The following MCF2 variants were observed in gnomAD, a reference collection of about 807,000 sequenced individuals.
MCF2 encodes the protein MCF.2 cell line derived transforming sequence, also known as proto-oncogene DBL.
A neutral mutation model predicts 82.5 loss-of-function variants in MCF2; 44 were observed. The observed-to-expected ratio is 0.53, with a 90% CI of 0.42 to 0.69. The LOEUF is 0.69. MCF2 is among the 30% of genes least tolerant of loss of function. The pLI is 0.00. For missense variants in MCF2, 623 were observed against 663.1 expected, an observed-to-expected ratio of 0.94 and a Z score of 0.66; for synonymous variants, 217 against 224.9, an observed-to-expected ratio of 0.96 and a Z score of 0.32.
Position 139,586,403 on chromosome X carries a change from C to T in MCF2, c.2607G>A (p.Ala869=), listed in dbSNP as rs142128026. Residue 869 remains alanine, a synonymous_variant, in exon 23 of 25, where the codon GCG becomes GCA. Coordinates refer to ENST00000370576, the Ensembl canonical transcript of MCF2. ...CTGTATTTGCTTCTGCCTGAACTGA[C>T]GCAATTGCCTCACAGACCTCCACCA... 81 of 1,206,424 alleles carry T rather than the reference C, an allele frequency of 6.7e-5. 1 individual carries two copies. The highest frequency in any genetic ancestry group is 6.5e-4 in the South Asian group (37 of 56,596).
At chrX:139,622,574 T>C (rs1216826798) in intron 6 of MCF2, among the ~76,000 whole-genome samples, 2 of 111,221 alleles carry the variant, frequency 1.8e-5, no homozygotes, top group Non-Finnish European at 3.8e-5. Flanking sequence ...GTTCATGTCC[T>C]TTGTAGGGAC....
At chrX:139,593,198 G>C (rs1178978673) in intron 19 of MCF2, among the ~76,000 whole-genome samples, 2 of 111,904 alleles carry the variant, frequency 1.8e-5, no homozygotes, top group Admixed American at 9.5e-5. Context: ...AGTATTCTCT[G>C]ATGGTAGTTT....
intron 24 of MCF2, among the ~76,000 whole-genome samples, chrX:139,583,739 C>T (rs1928674857): frequency 5.4e-5 from 6 of 111,714 alleles, no homozygotes. Context: ...ACACATGTAC[C>T]TCCTGAATCT....
At chrX:139,588,132 A>C (rs1043851966) in intron 21 of MCF2, among the ~76,000 whole-genome samples, 3 of 111,734 alleles carry the variant, frequency 2.7e-5, no homozygotes, top group African/African-American at 9.7e-5. Flanking sequence ...GTTGCTTCTC[A>C]ACTGCTTCTT....
chrX:139,651,757 G>C lies in MCF2; in HGVS notation c.-13C>G. 1 of 1,161,966 alleles carries C rather than the reference G, an allele frequency of 8.6e-7. No homozygotes were observed. Among genetic ancestry groups the C allele is most frequent in the Non-Finnish European group, 1.2e-6 (1 of 867,511 alleles). ...CGATGTCTTGCATTAAGAAATGACT[G>C]ATGTCCTTTATACGGAGGAGCAGAT... On this transcript the variant is annotated 5_prime_UTR_variant, in exon 2 of 28. In the 5' UTR this introduces an upstream ATG that the reference lacks. Coordinates refer to the MCF2 transcript ENST00000414978.
chrX:139,628,704 A>C (rs1932824652), intron 4 of MCF2, among the ~76,000 whole-genome samples: 1 of 112,137 alleles, frequency 8.9e-6, no homozygotes, highest in Non-Finnish European at 1.9e-5. Context: ...TAATGCACAC[A>C]GTATGTCTAT....
Position 139,651,713 on chromosome X carries a change from T to C in MCF2, c.25+7A>G. On this transcript the variant is annotated splice_region_variant and intron_variant, in intron 2 of 27. Transcript: ENST00000414978. ...TATCTGGACTATATATAAGAAAGTT[T>C]GCTTACCAGACAAGAAGGCGATGTC... is the stretch of plus-strand genomic sequence containing the variant. 1 of 1,130,997 alleles carries C rather than the reference T, an allele frequency of 8.8e-7. No homozygotes were observed. The highest frequency in any genetic ancestry group is 3.2e-5 in the East Asian group (1 of 30,987). 93.2% of individuals were successfully genotyped at this position (1,130,997 alleles called of 1,213,427 possible). A position where few individuals can be genotyped will look rare whatever the true frequency, so the allele number is the denominator to read the frequency against.
chrX:139,635,295 C>T (rs1230268482), intron 1 of MCF2, among the ~76,000 whole-genome samples: 2 of 110,445 alleles, frequency 1.8e-5, no homozygotes, highest in Non-Finnish European at 3.8e-5. Flanking sequence ...CAGAGAGTTC[C>T]AACGGTAATG....
intron 1 of MCF2, among the ~76,000 whole-genome samples, chrX:139,704,091 AC>A (rs1288799426): frequency 3.6e-5 from 4 of 109,845 alleles, no homozygotes; most frequent in African/African-American, 9.9e-5. Context: ...TCAAAAAAAA[AC>A]ATACGTCAAA....
At chrX:139,642,421 C>T (rs1163074181) in intron 1 of MCF2, 1 of 1,208,381 alleles carries the variant, frequency 8.3e-7, no homozygotes, top group Non-Finnish European at 1.1e-6. Flanking sequence ...CATCCCAGCA[C>T]TTGAACTTGG....
intron 1 of MCF2, among the ~76,000 whole-genome samples, chrX:139,678,315 G>A (rs1934920785): frequency 9.0e-6 from 1 of 111,715 alleles, no homozygotes; most frequent in Non-Finnish European, 1.9e-5. Flanking sequence ...CCACCTTCAC[G>A]CTAATGGTCA....
Position 139,619,710 on chromosome X carries a change from A to G in MCF2, c.688-4T>C. 8.8e-7 allele frequency: 1 copy of G among 1,133,593 alleles called. No individual in the cohort carries two copies. The highest frequency in any genetic ancestry group is 1.2e-6 in the Non-Finnish European group (1 of 855,006). 93.4% of individuals were successfully genotyped at this position (1,133,593 alleles called of 1,213,427 possible). A position where few individuals can be genotyped will look rare whatever the true frequency, so the allele number is the denominator to read the frequency against. ...GAAATTCAACTTCAGTCACAAGCTAAAAATACGAAACAAAGAGGTTTTAAA... is the reference window on the plus strand; with the variant it reads ...GAAATTCAACTTCAGTCACAAGCTAGAAATACGAAACAAAGAGGTTTTAAA... On this transcript the variant is annotated splice_polypyrimidine_tract_variant and splice_region_variant and intron_variant, in intron 6 of 24. Transcript: ENST00000370576.
intron 18 of MCF2, among the ~76,000 whole-genome samples, chrX:139,597,256 T>C (rs753498436): frequency 1.8e-5 from 2 of 111,403 alleles, no homozygotes; most frequent in South Asian, 3.8e-4. Flanking sequence ...GGGAAGACTG[T>C]TGGGGACAAG....
chrX:139,594,546 C>T (rs1359706823), intron 19 of MCF2, among the ~76,000 whole-genome samples: 3 of 110,746 alleles, frequency 2.7e-5, no homozygotes, highest in Non-Finnish European at 3.8e-5. Context: ...AAACTGGATC[C>T]CTTCCTTACA....
At chrX:139,586,468 T>A (rs1470158373) in exon 23 of MCF2, 1 of 1,199,435 alleles carries the variant, frequency 8.3e-7, no homozygotes, top group Non-Finnish European at 1.1e-6. Context: ...TCAGTACTTA[T>A]AAAAGCTCCC....
At chrX:139,660,293 G>T (rs1014340941) in intron 1 of MCF2, among the ~76,000 whole-genome samples, 2 of 111,736 alleles carry the variant, frequency 1.8e-5, no homozygotes, top group East Asian at 5.6e-4. Context: ...TTTCTTCCAG[G>T]ATGGGTTTCA....
intron 19 of MCF2, among the ~76,000 whole-genome samples, chrX:139,593,047 T>C (rs1231463842): frequency 8.9e-6 from 1 of 112,014 alleles, no homozygotes; most frequent in Non-Finnish European, 1.9e-5. Flanking sequence ...AACATGATAG[T>C]GGTTGGGGAA....
intron 1 of MCF2, among the ~76,000 whole-genome samples, chrX:139,703,450 G>C (rs1425497940): frequency 8.9e-6 from 1 of 111,870 alleles, no homozygotes; most frequent in Non-Finnish European, 1.9e-5. Context: ...AAATAGGAAA[G>C]GATAGGCTGG....
rs142941580 is a variant in MCF2, at chrX:139,668,740, C to T, written c.-44-16952G>A. ...CTAAGTGGAGGGGGCAAGTATGAAA[C>T]GTTTCTATTCAGCCATCATGATACG... On this transcript the variant is annotated intron_variant, in intron 1 of 27. Transcript: ENST00000414978. 6.5e-3 allele frequency among the ~76,000 whole-genome samples: 720 copies of T among 111,382 alleles called. 6 individuals carry two copies. The highest frequency in any genetic ancestry group is 0.021 in the African/African-American group (646 of 30,627).
Sources: gnomAD v4.1 joint callset for allele counts (sites outside exome capture counted in the v4.1 genomes callset) on GRCh38, gnomAD v4.1.1 for gene constraint, MANE v1.5 for transcripts, NCBI Gene and HGNC (gene_info 2026-07-23, HGNC 2026-07-21) for gene names.